Variants in GSG1L observed in about 807,000 individuals in gnomAD.
GSG1L encodes the protein GSG1 like.
In GSG1L, 24 loss-of-function variants were observed where a neutral mutation model predicts 42.1. The ratio of observed to expected loss-of-function variants is 0.57; its 90% CI spans 0.41 to 0.80. The LOEUF is 0.80. Ranked by LOEUF, GSG1L falls within the 30% of genes least tolerant of loss-of-function variation. GSG1L has a pLI of 0.00. For synonymous variants in GSG1L, 215 were observed against 203.5 expected (o/e 1.06, Z -0.48); for missense variants, 445 against 472.2 (o/e 0.94, Z 0.53).
intron 1 of GSG1L, among the ~76,000 whole-genome samples, chr16:28,016,620 G>C (rs1239171311): frequency 6.6e-6 from 1 of 152,150 alleles, no homozygotes; most frequent in African/African-American, 2.4e-5. Flanking sequence ...TGGAATGTTA[G>C]CAATAATGTC....
chr16:28,021,450 C>T (rs1018463255), intron 1 of GSG1L, among the ~76,000 whole-genome samples: 2 of 152,170 alleles, frequency 1.3e-5, no homozygotes, highest in Non-Finnish European at 2.9e-5. Context: ...ACATTTGGTT[C>T]GTGTTCACCT....
At chr16:27,888,487 CTTTCTTT>C (rs2084072073) in intron 2 of GSG1L, among the ~76,000 whole-genome samples, 37 of 13,074 alleles carry the variant, frequency 2.8e-3, no homozygotes, top group African/African-American at 7.0e-3. Flanking sequence ...TCTTTCCTTT[CTTTCTTT>C]CTTTCTTTCT....
In GSG1L at chr16:28,004,664, A is replaced by G. The variant is rs370664262; in HGVS notation, c.350-41461T>C. Among the ~76,000 whole-genome samples, 211 of 152,064 alleles carry G rather than the reference A, an allele frequency of 1.4e-3. 1 individual carries two copies. The highest frequency in any genetic ancestry group is 4.8e-3 in the African/African-American group (200 of 41,466). On this transcript the variant is annotated intron_variant, in intron 1 of 6. Coordinates refer to ENST00000447459, the MANE Select transcript of GSG1L (RefSeq NM_001109763.2). ...AAAGTGGTGCGTGCCTGTAATCCCA[A>G]CTACTCAGTAGGCTGGGGCAGGAAG...
chr16:27,824,024 A>G, intron 5 of GSG1L: 1 of 674,838 alleles, frequency 1.5e-6, no homozygotes. Context: ...GCCACAGATA[A>G]TAACGAGATT....
chr16:27,830,636 C>T (rs529570023), intron 4 of GSG1L, among the ~76,000 whole-genome samples: 1 of 152,196 alleles, frequency 6.6e-6, no homozygotes, highest in Non-Finnish European at 1.5e-5. Flanking sequence ...CTAAGAGCTT[C>T]CCTGTCCACC....
At chr16:27,966,108 G>A (rs555095748) in intron 1 of GSG1L, among the ~76,000 whole-genome samples, 132 of 152,252 alleles carry the variant, frequency 8.7e-4, no homozygotes, top group Middle Eastern at 3.4e-3. Context: ...CTGTTCACTC[G>A]CATACCTGAG....
intron 1 of GSG1L, among the ~76,000 whole-genome samples, chr16:27,988,202 T>A (rs1298100562): frequency 6.6e-6 from 1 of 152,048 alleles, no homozygotes; most frequent in African/African-American, 2.4e-5. Flanking sequence ...ATAATTTTCA[T>A]CCACAAATAC....
intron 1 of GSG1L, among the ~76,000 whole-genome samples, chr16:28,056,291 T>TA (rs541763872): frequency 6.6e-6 from 1 of 151,886 alleles, no homozygotes; most frequent in Non-Finnish European, 1.5e-5. Context: ...TATGCAGCCA[T>TA]AAAAAAATGA....
At chr16:27,801,970 G>A (rs2082887533) in intron 6 of GSG1L, among the ~76,000 whole-genome samples, 1 of 152,172 alleles carries the variant, frequency 6.6e-6, no homozygotes, top group Non-Finnish European at 1.5e-5. Context: ...CTTGCTGGCT[G>A]TTTCCGTAAT....
intron 3 of GSG1L, among the ~76,000 whole-genome samples, chr16:27,861,067 C>T (rs901679649): frequency 6.6e-6 from 1 of 152,082 alleles, no homozygotes; most frequent in South Asian, 2.1e-4. Context: ...CATTGTAGGT[C>T]TAGAAAAGTG....
At chr16:28,020,293 T>C (rs1352250942) in intron 1 of GSG1L, among the ~76,000 whole-genome samples, 1 of 152,212 alleles carries the variant, frequency 6.6e-6, no homozygotes, top group East Asian at 1.9e-4. Context: ...AAAGCGCTGC[T>C]ATTCATGATC....
At chr16:27,957,324 G>A (rs1187430717) in intron 2 of GSG1L, among the ~76,000 whole-genome samples, 1 of 152,220 alleles carries the variant, frequency 6.6e-6, no homozygotes, top group Admixed American at 6.5e-5. Context: ...TCCAGCCTGG[G>A]TGACAGAGCA....
intron 2 of GSG1L, among the ~76,000 whole-genome samples, chr16:27,945,791 CCGTG>C (rs980097929): frequency 2.0e-5 from 3 of 152,236 alleles, no homozygotes; most frequent in African/African-American, 7.2e-5. Flanking sequence ...TCTCTGCTCC[CCGTG>C]CAGGCTGAAG....
chr16:27,882,545 T>C (rs1008751276), intron 3 of GSG1L, among the ~76,000 whole-genome samples: 2 of 152,198 alleles, frequency 1.3e-5, no homozygotes, highest in Admixed American at 1.3e-4. Flanking sequence ...CATTTTGAGC[T>C]ATGTGAAGTT....
At chr16:27,920,624 G>A in intron 2 of GSG1L, among the ~76,000 whole-genome samples, 1 of 152,212 alleles carries the variant, frequency 6.6e-6, no homozygotes, top group East Asian at 1.9e-4. Context: ...CCGGTCACTT[G>A]CTATAGCAGC....
At chr16:28,004,132 G>A (rs748928095) in intron 1 of GSG1L, among the ~76,000 whole-genome samples, 39 of 152,300 alleles carry the variant, frequency 2.6e-4, no homozygotes, top group Non-Finnish European at 5.1e-4. Context: ...AGGGTGGTGA[G>A]TGGGGGCTGA....
chr16:28,063,042 G>T lies in GSG1L; in HGVS notation c.349+34C>A. 7.3e-7 allele frequency: 1 copy of T among 1,372,704 alleles called. No individual in the cohort carries two copies. The highest frequency in any genetic ancestry group is 9.4e-7 in the Non-Finnish European group (1 of 1,058,320). The allele number at this position is 1,372,704 out of a possible 1,614,324, so 85.0% of individuals were successfully genotyped here. On this transcript the variant is annotated intron_variant, in intron 1 of 6. Coordinates refer to ENST00000447459, the MANE Select transcript of GSG1L (RefSeq NM_001109763.2). This position sits in a 1 kb window ranked among gnomAD's most constrained non-coding sequence, Gnocchi z 5.8. ...ATGGCCGCGCCGCCCCGGGGGAGCC[G>T]GAGCCGAGCTGGCCGCCGCCCGCGC... is the stretch of plus-strand genomic sequence containing the variant.
intron 1 of GSG1L, among the ~76,000 whole-genome samples, chr16:28,035,209 C>T (rs758644580): frequency 2.0e-5 from 3 of 151,632 alleles, no homozygotes; most frequent in Admixed American, 6.6e-5. Flanking sequence ...TTTGTTTTAG[C>T]GGATGGGGTC....
At chr16:28,016,797 G>A (rs551507985) in intron 1 of GSG1L, among the ~76,000 whole-genome samples, 4 of 152,176 alleles carry the variant, frequency 2.6e-5, no homozygotes, top group Non-Finnish European at 5.9e-5. Context: ...TTTAATAGAA[G>A]GGGAGATTGA....
Sources: allele counts gnomAD v4.1 joint callset (sites outside exome capture counted in the v4.1 genomes callset), GRCh38; gene constraint gnomAD v4.1.1; non-coding constraint Gnocchi (gnomAD v3.1); transcripts MANE v1.5; gene names NCBI Gene and HGNC (gene_info 2026-07-23, HGNC 2026-07-21).